Variants in ARPP19 observed in about 807,000 individuals in gnomAD.
The protein encoded by ARPP19 is cAMP regulated phosphoprotein 19, also known as cAMP-regulated phosphoprotein 19.
Under a neutral mutation model 12.0 loss-of-function variants are expected in ARPP19, and 8 were observed. The observed-to-expected ratio is 0.67, with a 90% CI of 0.39 to 1.21. The LOEUF (loss-of-function observed/expected upper bound fraction) is 1.21. Among genes scored for constraint, ARPP19 ranks in the 50% most tolerant of loss-of-function variants. The pLI, the probability that ARPP19 is intolerant of heterozygous loss-of-function variation, is 0.01. For synonymous variants in ARPP19, 47 were observed against 50.4 expected, an observed-to-expected ratio of 0.93 and a Z score of 0.29; for missense variants, 102 against 136.3, an observed-to-expected ratio of 0.75 and a Z score of 1.25.
chr15:52,553,405 T>G (rs2077953758), intron 2 of ARPP19, among the ~76,000 whole-genome samples: 1 of 152,122 alleles, frequency 6.6e-6, no homozygotes, highest in East Asian at 1.9e-4. Flanking sequence ...AACATCAACC[T>G]TAATACAACT....
rs542138502 is a variant in ARPP19, at chr15:52,550,237, T to C, written c.*1697A>G. ...GCAGTAAACTTGTCCCAGTAAAGTC[T>C]GCTAAGTTCTAACTAGATAAGCCAC... On this transcript the variant is annotated 3_prime_UTR_variant, in exon 3 of 3. Coordinates refer to ENST00000249822, the MANE Select transcript of ARPP19 (RefSeq NM_006628.6). 4.6e-5 allele frequency: 7 copies of C among 152,346 alleles called. No homozygotes were observed. The highest frequency in any genetic ancestry group is 3.3e-4 in the Admixed American group (5 of 15,292). 9.4% of individuals were successfully genotyped at this position (152,346 alleles called of 1,614,324 possible). A position where few individuals can be genotyped will look rare whatever the true frequency, so the allele number is the denominator to read the frequency against.
upstream of ARPP19, chr15:52,569,117 T>C (rs2078118021): frequency 1.9e-6 from 1 of 536,034 alleles, no homozygotes; most frequent in Non-Finnish European, 3.3e-6. Context: ...CCTACCTACT[T>C]GACCCCGCTT....
intron 1 of ARPP19, among the ~76,000 whole-genome samples, chr15:52,567,383 T>A (rs1021899610): frequency 3.9e-5 from 6 of 152,218 alleles, no homozygotes; most frequent in Non-Finnish European, 8.8e-5. Context: ...TTTGGCAACA[T>A]ACTAACAGAA....
At chr15:52,556,170 C>G (rs955805730) in intron 2 of ARPP19, among the ~76,000 whole-genome samples, 3 of 150,890 alleles carry the variant, frequency 2.0e-5, no homozygotes, top group Non-Finnish European at 4.4e-5. Context: ...TCCATATGTA[C>G]CTAGAGCTAA....
chr15:52,569,201 T>C, upstream of ARPP19: 1 of 402,372 alleles, frequency 2.5e-6, no homozygotes, highest in Non-Finnish European at 4.4e-6. Context: ...CTCACATCCG[T>C]TTGTGGCTGC....
rs2077917922 is a variant in ARPP19, at chr15:52,550,361, A to G, written c.*1573T>C. ...TTTACCTGTCATGTAAATTACTCTAATTGTCACAAGCCTAATTCAATTAGC... is the reference window on the plus strand; with the variant it reads ...TTTACCTGTCATGTAAATTACTCTAGTTGTCACAAGCCTAATTCAATTAGC... On this transcript the variant is annotated 3_prime_UTR_variant, in exon 3 of 3. Transcript: ENST00000249822. 6.6e-6 allele frequency: 1 copy of G among 152,208 alleles called. No individual in the cohort carries two copies. Among genetic ancestry groups the G allele is most frequent in the Admixed American group, 6.5e-5 (1 of 15,290 alleles). 9.4% of individuals were successfully genotyped at this position (152,208 alleles called of 1,614,324 possible).
In ARPP19 at chr15:52,552,062, T is replaced by C; in HGVS notation, c.211A>G (p.Lys71Glu). The change falls in exon 3 of 3, where the codon AAA becomes GAA. Residue 71 changes from lysine to glutamate, a missense_variant. By Grantham distance (56) the Lys-to-Glu change is moderately conservative. Transcript: ENST00000249822. ...DSGDYNMAKA[K>E]MKNKQLPTAA... ...GTAGGAAGTTGCTTGTTCTTCATTT[T>C]TGCTTTAGCCATGTTGTAATCCCCA... The C allele has an allele frequency of 6.2e-7, 1 of 1,613,974 alleles. No individual in the cohort carries two copies. Among genetic ancestry groups the C allele is most frequent in the Admixed American group, 1.7e-5 (1 of 60,018 alleles).
In ARPP19 at chr15:52,551,845, T is replaced by C. The variant is rs1008500222; in HGVS notation, c.*89A>G. 12 of 961,896 alleles carry C rather than the reference T, an allele frequency of 1.2e-5. No homozygotes were observed. Among genetic ancestry groups the C allele is most frequent in the Non-Finnish European group, 1.8e-5 (11 of 620,744 alleles). The allele number at this position is 961,896 out of a possible 1,614,324, so 59.6% of individuals were successfully genotyped here. ...TGCAAAGCTGTCAGTCTCAAATGAC[T>C]AGTGAATGAAAGGAAATAAAAAGTA... On this transcript the variant is annotated 3_prime_UTR_variant, in exon 3 of 3. Transcript: ENST00000249822.
At chr15:52,562,057 C>T (rs560572426) in intron 1 of ARPP19, among the ~76,000 whole-genome samples, 2 of 151,396 alleles carry the variant, frequency 1.3e-5, no homozygotes, top group African/African-American at 4.9e-5. Flanking sequence ...GGACTGCAGG[C>T]GTGAGCCACT....
At chr15:52,553,687 G>A (rs931904113) in intron 2 of ARPP19, among the ~76,000 whole-genome samples, 5 of 142,124 alleles carry the variant, frequency 3.5e-5, no homozygotes, top group African/African-American at 1.2e-4. Context: ...CAAGGGCTTG[G>A]ACAAAGGGTG....
At chr15:52,558,302 T>C (rs917895231) in intron 1 of ARPP19, among the ~76,000 whole-genome samples, 1 of 151,874 alleles carries the variant, frequency 6.6e-6, no homozygotes, top group Non-Finnish European at 1.5e-5. Context: ...GTTTAAAAAT[T>C]AGCCGGGCAT....
rs2077914007 is a variant in ARPP19 at position 52,549,964 on chromosome 15, G to A, written c.*1970C>T. On this transcript the variant is annotated 3_prime_UTR_variant, in exon 3 of 3. Transcript: ENST00000249822. ...AGTAGATCAGGAAGATAATCAGCAAGCTTTCCTCAGAGCACTAGGCAGCCT... is the reference window on the plus strand; with the variant it reads ...AGTAGATCAGGAAGATAATCAGCAAACTTTCCTCAGAGCACTAGGCAGCCT... The A allele has an allele frequency of 6.6e-6, 1 of 152,552 alleles. No homozygotes were observed. The highest frequency in any genetic ancestry group is 2.4e-5 in the African/African-American group (1 of 41,410). 9.4% of individuals were successfully genotyped at this position (152,552 alleles called of 1,614,324 possible).
At chr15:52,565,307 G>A (rs1188301446) in intron 1 of ARPP19, among the ~76,000 whole-genome samples, 2 of 152,144 alleles carry the variant, frequency 1.3e-5, no homozygotes, top group Non-Finnish European at 2.9e-5. Context: ...TTACAGGCAA[G>A]AGCCACCCTG....
rs1001033626 is a variant in ARPP19 at position 52,551,349 on chromosome 15, A to G, written c.*585T>C. ...GGCAGCTGTTAAGCACTAGAGTCAC[A>G]TAAGTTACACCAGAATGGGCAAATA... On this transcript the variant is annotated 3_prime_UTR_variant, in exon 3 of 3. Transcript: ENST00000249822. 8.5e-5 allele frequency: 13 copies of G among 152,760 alleles called. No individual in the cohort carries two copies. Among genetic ancestry groups the G allele is most frequent in the African/African-American group, 1.9e-4 (8 of 41,470 alleles). 9.5% of individuals were successfully genotyped at this position (152,760 alleles called of 1,614,324 possible).
At chr15:52,557,251 C>G (rs2140237396) in intron 1 of ARPP19, 29 bp from the exon 2 acceptor site, 1 of 1,518,866 alleles carries the variant, frequency 6.6e-7, no homozygotes, top group East Asian at 2.3e-5. Context: ...AATTACTTCT[C>G]TATTACAACT....
intron 1 of ARPP19, among the ~76,000 whole-genome samples, chr15:52,566,874 G>A (rs1202162013): frequency 1.3e-5 from 2 of 152,208 alleles, no homozygotes; most frequent in African/African-American, 4.8e-5. Context: ...CACCACTCAA[G>A]ATAGAGAAAG....
intron 2 of ARPP19, among the ~76,000 whole-genome samples, chr15:52,552,806 A>G (rs1757263430): frequency 1.3e-5 from 2 of 152,184 alleles, no homozygotes; most frequent in African/African-American, 4.8e-5. Context: ...ATGGTGGCTC[A>G]TGCCTGTAAT....
At chr15:52,565,022 C>T (rs901445773) in intron 1 of ARPP19, among the ~76,000 whole-genome samples, 2 of 150,466 alleles carry the variant, frequency 1.3e-5, no homozygotes, top group Non-Finnish European at 3.0e-5. Flanking sequence ...GCTCACAGTG[C>T]AATTAAAATT....
At chr15:52,553,869 C>T (rs1208178775) in intron 2 of ARPP19, among the ~76,000 whole-genome samples, 2 of 152,234 alleles carry the variant, frequency 1.3e-5, no homozygotes, top group African/African-American at 4.8e-5. Context: ...ATAAGCCAGA[C>T]CTGGTCTATG....
Sources: gnomAD v4.1 joint callset for allele counts (sites outside exome capture counted in the v4.1 genomes callset) on GRCh38, gnomAD v4.1.1 for gene constraint, MANE v1.5 for transcripts, NCBI Gene and HGNC (gene_info 2026-07-23, HGNC 2026-07-21) for gene names.